The following FRK variants were observed in gnomAD, a reference collection of about 807,000 sequenced individuals.
FRK encodes the protein fyn related Src family tyrosine kinase, also known as tyrosine-protein kinase FRK.
FRK carries 51 observed loss-of-function variants against 56.4 expected under a neutral mutation model. That is an observed-to-expected ratio of 0.90 (90% CI 0.72 to 1.14). The LOEUF is 1.14. FRK is among the 50% of genes most tolerant of loss of function. FRK has a pLI of 0.00. For synonymous variants in FRK, 245 were observed against 217.9 expected, an observed-to-expected ratio of 1.12 and a Z score of -1.10; for missense variants, 570 against 601.4, an observed-to-expected ratio of 0.95 and a Z score of 0.55.
At position 115,939,033 on chromosome 6, in the gene FRK, AAGAG is replaced by A. The variant is rs1041084350; in HGVS notation, c.*3377_*3380del. The A allele has an allele frequency of 7.2e-5, 11 of 152,146 alleles. No individual in the cohort carries two copies. Among genetic ancestry groups the A allele is most frequent in the African/African-American group, 2.4e-4 (10 of 41,508 alleles). 9.4% of individuals were successfully genotyped at this position (152,146 alleles called of 1,614,324 possible). ...GGCAGAGACACAACAAAAAAAAAAA[AAGAG>A]AGAAAATTTCAGGCCAGTATCCCTG... is the stretch of plus-strand genomic sequence containing the variant. On this transcript the variant is annotated 3_prime_UTR_variant, in exon 8 of 8. Coordinates refer to ENST00000606080, the MANE Select transcript of FRK (RefSeq NM_002031.3).
chr6:115,972,269 T>C (rs1439698430), intron 2 of FRK, among the ~76,000 whole-genome samples: 1 of 152,176 alleles, frequency 6.6e-6, no homozygotes, highest in African/African-American at 2.4e-5. Flanking sequence ...GGTCCTGAGA[T>C]AATATTTACA....
chr6:116,024,057 TACAC>T (rs55922355), intron 1 of FRK, among the ~76,000 whole-genome samples: 61,286 of 136,318 alleles, frequency 0.45, 13,817 homozygotes, highest in East Asian at 0.71. Context: ...CCTGAGAACT[TACAC>T]ACACACACAC....
chr6:115,995,715 C>A (rs376257595), intron 2 of FRK, among the ~76,000 whole-genome samples: 6 of 152,224 alleles, frequency 3.9e-5, no homozygotes, highest in South Asian at 2.1e-4. Context: ...GGAAAAGGTT[C>A]TTTGCCTGTG....
At chr6:116,095,629 C>T in the FRK span, among the ~76,000 whole-genome samples, 1 of 152,286 alleles carries the variant, frequency 6.6e-6, no homozygotes, top group Admixed American at 6.5e-5. Flanking sequence ...ATGGCCACTG[C>T]TACAGGAAGC....
At chr6:116,070,706 T>C in the FRK span, among the ~76,000 whole-genome samples, 1 of 152,150 alleles carries the variant, frequency 6.6e-6, no homozygotes, top group Non-Finnish European at 1.5e-5. Context: ...CTTTTAGTCA[T>C]TAGCAACAAC....
At chr6:115,991,355 T>G (rs575514364) in intron 2 of FRK, among the ~76,000 whole-genome samples, 2 of 151,914 alleles carry the variant, frequency 1.3e-5, no homozygotes, top group East Asian at 1.9e-4. Flanking sequence ...TTCCAGTTCT[T>G]AGAAAGAATG....
intron 1 of FRK, among the ~76,000 whole-genome samples, chr6:116,014,413 A>G (rs1341467536): frequency 6.6e-6 from 1 of 152,182 alleles, no homozygotes; most frequent in African/African-American, 2.4e-5. Flanking sequence ...GGAGGATGGA[A>G]GTGTTCTTTT....
chr6:116,018,236 G>T (rs1775725204), intron 1 of FRK, among the ~76,000 whole-genome samples: 1 of 151,964 alleles, frequency 6.6e-6, no homozygotes. Flanking sequence ...CTAGATTCTG[G>T]GTCTCCCTCT....
rs149754042 is a variant in FRK, at chr6:115,967,611, C to T, written c.739G>A (p.Glu247Lys). ...LKRLGSGQFG[E>K]VWEGLWNNTT... ...TTGTTCCACAGACCTTCCCATACTT[C>T]GCCAAACTGACCAGATCCCAATCGC... The change falls in exon 4 of 8, where the codon GAA (glutamate) becomes AAA (lysine). Residue 247 changes from glutamate to lysine, a missense_variant. Glu to Lys is a moderately conservative substitution (Grantham distance 56). Transcript: ENST00000606080. The T allele has an allele frequency of 8.7e-5, 141 of 1,613,702 alleles. No individual in the cohort carries two copies. The highest frequency in any genetic ancestry group is 1.1e-4 in the Non-Finnish European group (135 of 1,179,826).
At chr6:116,080,063 A>G in the FRK span, among the ~76,000 whole-genome samples, 1 of 152,210 alleles carries the variant, frequency 6.6e-6, no homozygotes, top group African/African-American at 2.4e-5. Flanking sequence ...TTTTATAATA[A>G]AAGTATTTGA....
At chr6:116,011,623 T>C (rs906791187) in intron 1 of FRK, among the ~76,000 whole-genome samples, 8 of 152,142 alleles carry the variant, frequency 5.3e-5, no homozygotes, top group Admixed American at 1.3e-4. Context: ...CAGTTACACA[T>C]GTTATAATGG....
the FRK span, among the ~76,000 whole-genome samples, chr6:116,089,478 T>C: frequency 6.6e-5 from 10 of 152,312 alleles, no homozygotes; most frequent in South Asian, 1.2e-3. Flanking sequence ...TTGGGTGGCT[T>C]GAATAACGGA....
the FRK span, among the ~76,000 whole-genome samples, chr6:116,074,848 T>C: frequency 6.6e-6 from 1 of 152,040 alleles, no homozygotes; most frequent in Admixed American, 6.6e-5. Flanking sequence ...CTGCCCTTAG[T>C]TTTCTATGTC....
rs188913037 is a variant in FRK, at chr6:115,991,386, A to C, written c.466+12491T>G. Among the ~76,000 whole-genome samples, 8 of 152,020 alleles carry C rather than the reference A, an allele frequency of 5.3e-5. No individual in the cohort carries two copies. In the East Asian group the frequency reaches 1.5e-3, roughly 29 times the overall value. On this transcript the variant is annotated intron_variant, in intron 2 of 7. Transcript: ENST00000606080. ...GAATGCTTTCAACTTTTTCCCATTC[A>C]GTATGATGTTGGCTGTGGGTTTATC... is the stretch of plus-strand genomic sequence containing the variant.
At chr6:116,086,718 C>A in the FRK span, among the ~76,000 whole-genome samples, 1 of 152,134 alleles carries the variant, frequency 6.6e-6, no homozygotes, top group Non-Finnish European at 1.5e-5. Flanking sequence ...GTGCCTATGG[C>A]CTCTGAATAA....
the FRK span, among the ~76,000 whole-genome samples, chr6:116,069,974 A>T: frequency 1.3e-5 from 2 of 152,128 alleles, no homozygotes; most frequent in Admixed American, 1.3e-4. Flanking sequence ...CTCAATTTAT[A>T]GCTTGGTTCT....
At chr6:116,086,453 A>G in the FRK span, among the ~76,000 whole-genome samples, 2 of 152,196 alleles carry the variant, frequency 1.3e-5, no homozygotes, top group African/African-American at 2.4e-5. Flanking sequence ...GTTTCCTAAA[A>G]TGTTAGCTTA....
chr6:116,007,403 C>A (rs1036972439), intron 1 of FRK, among the ~76,000 whole-genome samples: 8 of 152,060 alleles, frequency 5.3e-5, no homozygotes, highest in African/African-American at 1.9e-4. Flanking sequence ...AACTTGAGAC[C>A]GCATGGAGAG....
chr6:116,068,064 A>G, the FRK span, among the ~76,000 whole-genome samples: 2 of 152,234 alleles, frequency 1.3e-5, no homozygotes, highest in East Asian at 3.9e-4. Flanking sequence ...ACCTTCACCA[A>G]TTCCTCTTTT....
Sources: gnomAD v4.1 joint callset for allele counts (sites outside exome capture counted in the v4.1 genomes callset) on GRCh38, gnomAD v4.1.1 for gene constraint, MANE v1.5 for transcripts, NCBI Gene and HGNC (gene_info 2026-07-23, HGNC 2026-07-21) for gene names.